The following EPSTI1 variants were observed in gnomAD, a reference collection of about 807,000 sequenced individuals.
EPSTI1 encodes epithelial-stromal interaction protein 1.
EPSTI1 carries 66 observed loss-of-function variants against 49.9 expected under a neutral mutation model. The observed-to-expected ratio is 1.32, with a 90% CI of 1.08 to 1.62. EPSTI1 has a LOEUF of 1.62. Among genes scored for constraint, EPSTI1 ranks in the 40% most tolerant of loss-of-function variants. EPSTI1 has a pLI of 0.00. For missense variants in EPSTI1, 394 were observed against 365.5 expected, an observed-to-expected ratio of 1.08 and a Z score of -0.64; for synonymous variants, 137 against 130.7, an observed-to-expected ratio of 1.05 and a Z score of -0.33.
chr13:42,891,492 T>G (rs1044339992), intron 10 of EPSTI1, among the ~76,000 whole-genome samples: 2 of 151,594 alleles, frequency 1.3e-5, no homozygotes, highest in African/African-American at 4.8e-5. Context: ...TTTAGGAGGG[T>G]TTTTTTTGCC....
rs537673714 is a variant in EPSTI1, at chr13:42,952,814, C to T, written c.563+1134G>A. 1.4e-4 allele frequency among the ~76,000 whole-genome samples: 21 copies of T among 152,316 alleles called. No individual in the cohort carries two copies. In the East Asian group the frequency reaches 3.1e-3, roughly 22 times the overall value. The stretch of plus-strand genomic sequence containing the variant: ...AGGAGCAAAGCAGAGGGTTGAGAAA[C>T]GTCTCTTCCATTCCTGCCTCTGAAT... On this transcript the variant is annotated intron_variant, in intron 6 of 10. Coordinates refer to ENST00000313624, the MANE Select transcript of EPSTI1 (RefSeq NM_033255.5).
intron 8 of EPSTI1, among the ~76,000 whole-genome samples, chr13:42,902,697 G>A (rs548161807): frequency 6.6e-6 from 1 of 152,264 alleles, no homozygotes; most frequent in South Asian, 2.1e-4. Context: ...GCAAAGGTAG[G>A]CAGGCAAACA....
chr13:42,978,475 G>C (rs371810463), intron 1 of EPSTI1, among the ~76,000 whole-genome samples: 1 of 152,198 alleles, frequency 6.6e-6, no homozygotes, highest in Non-Finnish European at 1.5e-5. Flanking sequence ...ATTTATCTCA[G>C]TGAGCAGAGG....
chr13:42,957,002 G>A (rs941071709), intron 5 of EPSTI1, among the ~76,000 whole-genome samples: 9 of 152,170 alleles, frequency 5.9e-5, no homozygotes, highest in African/African-American at 1.9e-4. Context: ...TGCAGCAAGG[G>A]CCACAAATAC....
In EPSTI1 at chr13:42,887,345, T is replaced by TAGA. The variant is rs2036892669; in HGVS notation, c.*1148_*1149insTCT. 3 of 152,244 alleles carry TAGA rather than the reference T, an allele frequency of 2.0e-5. No homozygotes were observed. The highest frequency in any genetic ancestry group is 3.9e-4 in the East Asian group (2 of 5,166). The allele number at this position is 152,244 out of a possible 1,614,324, so 9.4% of individuals were successfully genotyped here. ...TTGCCTAGCTCTGCGAACCCCTCAGTTATGTCTCTTGGCCCAAGAATTTCA... is the reference window on the plus strand; with the variant it reads ...TTGCCTAGCTCTGCGAACCCCTCAGTAGATATGTCTCTTGGCCCAAGAATTTCA... On this transcript the variant is annotated 3_prime_UTR_variant, in exon 11 of 11. Transcript: ENST00000313624.
intron 6 of EPSTI1, among the ~76,000 whole-genome samples, chr13:42,940,953 C>A (rs1001682672): frequency 4.6e-5 from 7 of 152,070 alleles, no homozygotes; most frequent in African/African-American, 1.7e-4. Flanking sequence ...TATAAACATT[C>A]TTTGTGAAAT....
chr13:42,990,360 A>T (rs1184657949), intron 1 of EPSTI1, among the ~76,000 whole-genome samples: 1 of 152,206 alleles, frequency 6.6e-6, no homozygotes, highest in Non-Finnish European at 1.5e-5. Flanking sequence ...ATCTGGCAAG[A>T]TTCCAGGGTA....
intron 1 of EPSTI1, among the ~76,000 whole-genome samples, chr13:42,975,263 T>G (rs922360945): frequency 6.6e-6 from 1 of 152,132 alleles, no homozygotes; most frequent in Non-Finnish European, 1.5e-5. Context: ...TAATAGAAAA[T>G]GACAAGACCA....
Position 42,963,251 on chromosome 13 carries a change from T to C in EPSTI1, c.489+4A>G, listed in dbSNP as rs2039510666. 6.2e-7 allele frequency: 1 copy of C among 1,611,090 alleles called. No homozygotes were observed. The highest frequency in any genetic ancestry group is 8.5e-7 in the Non-Finnish European group (1 of 1,177,730). On this transcript the variant is annotated splice_donor_region_variant and intron_variant, in intron 5 of 10. Transcript: ENST00000313624. ...AAATGTGAACTAATCCTCCTCCTCC[T>C]TACCTTCTCTCTCTGAATTGCCTTC...
intron 1 of EPSTI1, among the ~76,000 whole-genome samples, chr13:42,987,770 T>C (rs572812305): frequency 6.6e-6 from 1 of 152,348 alleles, no homozygotes; most frequent in East Asian, 1.9e-4. Context: ...GGGCTTATTT[T>C]GTGTTGAATA....
At chr13:42,974,281 A>C (rs1014150667) in intron 1 of EPSTI1, among the ~76,000 whole-genome samples, 2 of 152,086 alleles carry the variant, frequency 1.3e-5, no homozygotes, top group Admixed American at 6.5e-5. Flanking sequence ...GGTTGCAGTG[A>C]GCTGCGATCA....
chr13:42,898,756 A>G (rs570164560), intron 9 of EPSTI1, among the ~76,000 whole-genome samples: 17 of 152,338 alleles, frequency 1.1e-4, no homozygotes, highest in Non-Finnish European at 2.4e-4. Context: ...TCAGCAATGG[A>G]GCCTATTAAT....
chr13:42,942,545 C>T (rs527268528), intron 6 of EPSTI1, among the ~76,000 whole-genome samples: 1 of 151,750 alleles, frequency 6.6e-6, no homozygotes, highest in Non-Finnish European at 1.5e-5. Context: ...CAATATCCAA[C>T]ATTCACTCAT....
intron 1 of EPSTI1, among the ~76,000 whole-genome samples, chr13:42,985,589 A>G (rs535387642): frequency 2.0e-5 from 3 of 152,350 alleles, no homozygotes; most frequent in African/African-American, 7.2e-5. Context: ...CAAGATCCTC[A>G]GTGTTATACA....
chr13:42,949,630 C>G (rs993246397), intron 6 of EPSTI1, among the ~76,000 whole-genome samples: 1 of 149,454 alleles, frequency 6.7e-6, no homozygotes, highest in African/African-American at 2.4e-5. Flanking sequence ...AGAGACTTTT[C>G]TTTTTTGGTC....
At chr13:42,909,093 C>CT in intron 8 of EPSTI1, among the ~76,000 whole-genome samples, 1 of 62,120 alleles carries the variant, frequency 1.6e-5, no homozygotes. Flanking sequence ...AACTCCATCT[C>CT]AAAAATAATA....
At chr13:42,955,812 AC>A (rs1254381957) in intron 5 of EPSTI1, among the ~76,000 whole-genome samples, 1 of 148,226 alleles carries the variant, frequency 6.7e-6, no homozygotes, top group Non-Finnish European at 1.5e-5. Context: ...CAGAAGAAAA[AC>A]AAAAAAAAAC....
At chr13:42,905,257 C>T (rs774926841) in intron 8 of EPSTI1, among the ~76,000 whole-genome samples, 4 of 152,046 alleles carry the variant, frequency 2.6e-5, no homozygotes, top group Non-Finnish European at 4.4e-5. Context: ...GAAACGCGGA[C>T]GGGAGCTGAT....
chr13:42,903,328 A>T (rs1371614885), intron 8 of EPSTI1, among the ~76,000 whole-genome samples: 1 of 152,226 alleles, frequency 6.6e-6, no homozygotes, highest in African/African-American at 2.4e-5. Context: ...AAAACAAAAA[A>T]TGAGAAAGAA....
Sources: allele counts gnomAD v4.1 joint callset (sites outside exome capture counted in the v4.1 genomes callset), GRCh38; gene constraint gnomAD v4.1.1; transcripts MANE v1.5; gene names NCBI Gene and HGNC (gene_info 2026-07-23, HGNC 2026-07-21).